KLHL2: variants seen among roughly 807,000 people sequenced by gnomAD.
KLHL2 encodes kelch-like protein 2.
Under a neutral mutation model 75.8 loss-of-function variants are expected in KLHL2, and 15 were observed. That is an observed-to-expected ratio of 0.20 (90% CI 0.13 to 0.30). The LOEUF (loss-of-function observed/expected upper bound fraction) is 0.30, where lower values mean the gene tolerates loss of function less well. KLHL2 is among the 10% of genes least tolerant of loss of function. The pLI is 1.00. For missense variants in KLHL2, 381 were observed against 741.0 expected (o/e 0.51, Z 5.64); for synonymous variants, 214 against 251.9 (o/e 0.85, Z 1.42).
chr4:165,247,537 G>T (rs1740359386), intron 4 of KLHL2, among the ~76,000 whole-genome samples: 1 of 152,112 alleles, frequency 6.6e-6, no homozygotes, highest in African/African-American at 2.4e-5. Flanking sequence ...GAAACAAAGG[G>T]TATAATTGCA....
At chr4:165,315,325 T>A (rs893192134) in intron 13 of KLHL2, among the ~76,000 whole-genome samples, 3 of 152,206 alleles carry the variant, frequency 2.0e-5, no homozygotes, top group Non-Finnish European at 4.4e-5. Flanking sequence ...AATAAAGAGA[T>A]AATTTGTATA....
At chr4:165,209,105 T>C (rs946462492) in intron 1 of KLHL2, among the ~76,000 whole-genome samples, 34 of 152,258 alleles carry the variant, frequency 2.2e-4, no homozygotes, top group African/African-American at 7.7e-4. Flanking sequence ...GACTCTTGAA[T>C]TGGCCTTCCT....
At chr4:165,309,248 C>T (rs749922627) in intron 9 of KLHL2, among the ~76,000 whole-genome samples, 1 of 152,124 alleles carries the variant, frequency 6.6e-6, no homozygotes, top group East Asian at 1.9e-4. Flanking sequence ...CTATAGGGTT[C>T]GGGAGCTGGA....
intron 7 of KLHL2, among the ~76,000 whole-genome samples, chr4:165,298,949 C>T (rs1171032821): frequency 1.5e-5 from 2 of 134,030 alleles, no homozygotes; most frequent in African/African-American, 2.6e-5. Flanking sequence ...GCCCCCCCTC[C>T]CCCCCCAGAA....
chr4:165,278,363 A>G (rs767012785), intron 5 of KLHL2: 162 of 1,266,052 alleles, frequency 1.3e-4, no homozygotes, highest in East Asian at 8.3e-4. Flanking sequence ...GTTGCTGGTC[A>G]TTCCTCCATC....
chr4:165,271,623 C>T (rs1742702511), intron 5 of KLHL2, among the ~76,000 whole-genome samples: 1 of 143,132 alleles, frequency 7.0e-6, no homozygotes. Context: ...TTCTCTTTTC[C>T]AATTTGGATG....
At chr4:165,236,538 G>A (rs1739361320) in intron 3 of KLHL2, among the ~76,000 whole-genome samples, 1 of 152,152 alleles carries the variant, frequency 6.6e-6, no homozygotes, top group Non-Finnish European at 1.5e-5. Context: ...TTTTTAAAAT[G>A]CATTAGCAAT....
At chr4:165,241,309 A>G (rs1739800160) in intron 4 of KLHL2, among the ~76,000 whole-genome samples, 1 of 152,254 alleles carries the variant, frequency 6.6e-6, no homozygotes, top group Non-Finnish European at 1.5e-5. Flanking sequence ...CCATGTAAAG[A>G]TACACCAGAC....
chr4:165,297,350 A>AT (rs1744992924), intron 6 of KLHL2, among the ~76,000 whole-genome samples: 1 of 152,198 alleles, frequency 6.6e-6, no homozygotes, highest in Admixed American at 6.5e-5. Flanking sequence ...TGAATTGTTT[A>AT]TAAGGATACA....
chr4:165,296,575 T>G (rs1744927250), intron 6 of KLHL2, among the ~76,000 whole-genome samples: 1 of 152,152 alleles, frequency 6.6e-6, no homozygotes, highest in Non-Finnish European at 1.5e-5. Flanking sequence ...AGGCTATCTT[T>G]GGAGACTAGC....
intron 5 of KLHL2, among the ~76,000 whole-genome samples, chr4:165,265,907 C>T (rs1249432158): frequency 6.6e-6 from 1 of 152,288 alleles, no homozygotes; most frequent in Middle Eastern, 3.4e-3. Flanking sequence ...CTGTCTTCCA[C>T]GATGGTTGAA....
chr4:165,285,883 C>T (rs1296681157), intron 5 of KLHL2, among the ~76,000 whole-genome samples: 2 of 152,138 alleles, frequency 1.3e-5, no homozygotes, highest in African/African-American at 2.4e-5. Context: ...ACGGGAGGTC[C>T]AGCAGGTGTC....
At chr4:165,211,586 T>C (rs1021327512) in intron 1 of KLHL2, among the ~76,000 whole-genome samples, 2 of 152,246 alleles carry the variant, frequency 1.3e-5, no homozygotes, top group African/African-American at 4.8e-5. Context: ...TAACTAAATG[T>C]ACATTGGGCA....
intron 2 of KLHL2, among the ~76,000 whole-genome samples, chr4:165,227,267 T>A (rs1407453405): frequency 6.6e-6 from 1 of 152,168 alleles, no homozygotes; most frequent in Non-Finnish European, 1.5e-5. Flanking sequence ...GGCATAGCAG[T>A]CTCATCAGCA....
At position 165,305,602 on chromosome 4, in the gene KLHL2, T is replaced by C; in HGVS notation, c.922-6T>C. On this transcript the variant is annotated splice_polypyrimidine_tract_variant and splice_region_variant and intron_variant, in intron 8 of 14. Transcript: ENST00000226725. ...TGTTCAAGTGCTTACATTTCTGCCC[T>C]TGTAGTTGATGGTGGTGGTTGGGGG... 1.9e-6 allele frequency: 3 copies of C among 1,607,918 alleles called. No individual in the cohort carries two copies. The highest frequency in any genetic ancestry group is 2.2e-5 in the South Asian group (2 of 90,944).
rs750880471 is a variant in KLHL2 at position 165,317,997 on chromosome 4, C to T, written c.1753+28C>T. On this transcript the variant is annotated intron_variant, in intron 14 of 14. Coordinates refer to ENST00000226725, the MANE Select transcript of KLHL2 (RefSeq NM_007246.4). ...AACAGTTGTCTCTAAAGTCAATTTC[C>T]GTACAAAAAGATGACCTCATTATGA... The T allele has an allele frequency of 1.1e-5, 17 of 1,602,778 alleles. 1 individual carries two copies. Among genetic ancestry groups the T allele is most frequent in the South Asian group, 1.0e-4 (9 of 88,988 alleles).
At chr4:165,209,967 C>T (rs974613276) in intron 1 of KLHL2, 4 of 1,448,338 alleles carry the variant, frequency 2.8e-6, no homozygotes, top group East Asian at 2.5e-5. Flanking sequence ...TCCCGTGTGC[C>T]GGATTTGAGA....
chr4:165,252,053 G>A (rs1484217851), intron 4 of KLHL2, among the ~76,000 whole-genome samples: 1 of 152,140 alleles, frequency 6.6e-6, no homozygotes, highest in Non-Finnish European at 1.5e-5. Context: ...TGAGAGTCAC[G>A]TTTTAAGTAG....
At chr4:165,280,028 T>G (rs575602084) in intron 5 of KLHL2, among the ~76,000 whole-genome samples, 2 of 152,168 alleles carry the variant, frequency 1.3e-5, no homozygotes, top group African/African-American at 4.8e-5. Flanking sequence ...CTTTCTGGTA[T>G]TTAGAACTCT....
Sources: gnomAD v4.1 joint callset for allele counts (sites outside exome capture counted in the v4.1 genomes callset) on GRCh38, gnomAD v4.1.1 for gene constraint, MANE v1.5 for transcripts, NCBI Gene and HGNC (gene_info 2026-07-23, HGNC 2026-07-21) for gene names.